The following XYLB variants were observed in gnomAD, a reference collection of about 807,000 sequenced individuals.
The protein encoded by XYLB is xylulose kinase.
In XYLB, 62 loss-of-function variants were observed where a neutral mutation model predicts 78.7. The ratio of observed to expected loss-of-function variants is 0.79; its 90% CI spans 0.64 to 0.97. The LOEUF is 0.97. Among genes scored for constraint, XYLB ranks in the 50% least tolerant of loss-of-function variants. XYLB has a pLI of 0.00. For synonymous variants in XYLB, 245 were observed against 247.4 expected, an observed-to-expected ratio of 0.99 and a Z score of 0.09; for missense variants, 687 against 676.8, an observed-to-expected ratio of 1.02 and a Z score of -0.17.
chr3:38,348,578 T>G lies in XYLB; in HGVS notation c.86T>G (p.Leu29Trp). The change falls in exon 2 of 19, where the codon TTG (leucine) becomes TGG (tryptophan). Residue 29 changes from leucine (L) to tryptophan (W), a missense_variant. Transcript: ENST00000207870. The stretch of plus-strand genomic sequence containing the variant: ...AAGGTTGTTGCTGTTGATGCAGAGT[T>G]GAATGTCTTCTATGAGGAAAGTGTG... ...QVKVVAVDAE[L>W]NVFYEESVHF... 1 of 1,614,188 alleles carries G rather than the reference T, an allele frequency of 6.2e-7. No homozygotes were observed. The highest frequency in any genetic ancestry group is 1.1e-5 in the South Asian group (1 of 91,088).
chr3:38,377,130 C>T (rs762820010), intron 14 of XYLB, 139 bp downstream of exon 14: 19 of 758,038 alleles, frequency 2.5e-5, no homozygotes, highest in Non-Finnish European at 3.7e-5. Context: ...TTGTGGTGTG[C>T]CAGGGTGCAT....
the XYLB span, among the ~76,000 whole-genome samples, chr3:38,436,876 C>T: frequency 1.4e-3 from 205 of 151,662 alleles, no homozygotes; most frequent in African/African-American, 4.5e-3. Flanking sequence ...TGATGGTGGG[C>T]GCCTGTAATC....
the XYLB span, among the ~76,000 whole-genome samples, chr3:38,443,320 T>G: frequency 1.3e-5 from 2 of 152,168 alleles, no homozygotes; most frequent in Admixed American, 6.5e-5. Context: ...GATCGGCTGG[T>G]TGGGGGATTC....
chr3:38,361,750 G>T (rs1705986306), intron 3 of XYLB, among the ~76,000 whole-genome samples: 1 of 152,192 alleles, frequency 6.6e-6, no homozygotes, highest in South Asian at 2.1e-4. Flanking sequence ...AGCTCTGCCA[G>T]CCCCTGCTCC....
At chr3:38,392,380 C>T (rs1707696489) in intron 15 of XYLB, among the ~76,000 whole-genome samples, 1 of 152,178 alleles carries the variant, frequency 6.6e-6, no homozygotes, top group African/African-American at 2.4e-5. Flanking sequence ...CTCACTGCAA[C>T]CTCCACCTCC....
At chr3:38,438,536 C>G in the XYLB span, among the ~76,000 whole-genome samples, 20 of 152,258 alleles carry the variant, frequency 1.3e-4, no homozygotes, top group Middle Eastern at 6.8e-3. Context: ...CAAAAAGAGC[C>G]TGAATAGCCA....
intron 18 of XYLB, 121 bp downstream of exon 18, chr3:38,401,106 C>G: frequency 1.2e-6 from 1 of 836,060 alleles, no homozygotes; most frequent in South Asian, 1.6e-5. Flanking sequence ...AGAAATTCTG[C>G]TTTATTGAAA....
the XYLB span, among the ~76,000 whole-genome samples, chr3:38,445,314 C>T: frequency 9.8e-3 from 1,491 of 152,252 alleles, 14 homozygotes; most frequent in Non-Finnish European, 0.016. Context: ...CTCCCCCACG[C>T]GACGGGGCTT....
chr3:38,365,419 T>C (rs752380042), intron 5 of XYLB, 134 bp downstream of exon 5: 362 of 1,363,286 alleles, frequency 2.7e-4, no homozygotes, highest in Non-Finnish European at 3.5e-4. Context: ...AACCTCAGGC[T>C]TTTGGGGAGA....
intron 8 of XYLB, 145 bp from the exon 9 acceptor site, chr3:38,369,911 A>C: frequency 1.4e-6 from 1 of 733,414 alleles, no homozygotes; most frequent in Non-Finnish European, 2.4e-6. Flanking sequence ...GTTCTAGAAC[A>C]ACACAAGCAT....
At position 38,397,313 on chromosome 3, in the gene XYLB, A is replaced by G. The variant is rs148123847; in HGVS notation, c.1438+154A>G. Among the ~76,000 whole-genome samples, 55 of 152,286 alleles carry G rather than the reference A, an allele frequency of 3.6e-4. 2 individuals are homozygous for G. The highest frequency in any genetic ancestry group is 1.2e-3 in the Admixed American group (18 of 15,300). On this transcript the variant is annotated intron_variant, in intron 17 of 18. Coordinates refer to ENST00000207870, the MANE Select transcript of XYLB (RefSeq NM_005108.4). ...TCATTTTTCTAGCTCCCAGCAGGTG[A>G]GAACCAACCCATACTCTCTGTTCCT...
chr3:38,438,072 A>C, the XYLB span, among the ~76,000 whole-genome samples: 2 of 151,990 alleles, frequency 1.3e-5, no homozygotes, highest in Non-Finnish European at 2.9e-5. Flanking sequence ...TAAAAAATAA[A>C]ATATAACATT....
intron 5 of XYLB, 132 bp from the exon 6 acceptor site, chr3:38,365,476 T>C: frequency 6.8e-7 from 1 of 1,476,518 alleles, no homozygotes; most frequent in South Asian, 1.3e-5. Flanking sequence ...GGCTGGCCCA[T>C]GTGTCTCCAA....
At chr3:38,403,999 C>T (rs1448561263) in intron 18 of XYLB, among the ~76,000 whole-genome samples, 1 of 152,138 alleles carries the variant, frequency 6.6e-6, no homozygotes, top group African/African-American at 2.4e-5. Flanking sequence ...AGTTAAACTT[C>T]TTGAGAGCAG....
intron 7 of XYLB, among the ~76,000 whole-genome samples, chr3:38,367,088 C>T (rs1706305228): frequency 6.6e-6 from 1 of 151,874 alleles, no homozygotes; most frequent in Admixed American, 6.6e-5. Flanking sequence ...TTCTCCTGAC[C>T]AGAAGGGTGA....
downstream of XYLB, among the ~76,000 whole-genome samples, chr3:38,421,806 A>G (rs1179885251): frequency 6.6e-6 from 1 of 151,932 alleles, no homozygotes; most frequent in African/African-American, 2.4e-5. Context: ...ACCCCTCTAC[A>G]CCCCCTCATT....
chr3:38,434,533 G>A, the XYLB span, among the ~76,000 whole-genome samples: 3 of 152,212 alleles, frequency 2.0e-5, no homozygotes, highest in African/African-American at 7.2e-5. Context: ...GAGGGAATTT[G>A]TTACCACTAG....
intron 15 of XYLB, among the ~76,000 whole-genome samples, chr3:38,393,644 G>A (rs754569597): frequency 5.9e-5 from 9 of 152,062 alleles, no homozygotes; most frequent in Non-Finnish European, 1.0e-4. Context: ...TCAAGGTGTC[G>A]GCAGGGTTAA....
At chr3:38,388,115 A>G (rs955183902) in intron 15 of XYLB, among the ~76,000 whole-genome samples, 1 of 151,014 alleles carries the variant, frequency 6.6e-6, no homozygotes, top group Non-Finnish European at 1.5e-5. Flanking sequence ...GTTTACCTGC[A>G]GAAAAGGCTT....
Sources: allele counts gnomAD v4.1 joint callset (sites outside exome capture counted in the v4.1 genomes callset), GRCh38; gene constraint gnomAD v4.1.1; transcripts MANE v1.5; gene names NCBI Gene and HGNC (gene_info 2026-07-23, HGNC 2026-07-21).